Variants in CHL1 observed in about 807,000 individuals in gnomAD.
CHL1 encodes cell adhesion molecule L1 like.
In CHL1, 96 loss-of-function variants were observed where a neutral mutation model predicts 141.9. That is an observed-to-expected ratio of 0.68 (90% CI 0.57 to 0.80). The LOEUF (loss-of-function observed/expected upper bound fraction) is 0.80. Among genes scored for constraint, CHL1 ranks in the 30% least tolerant of loss-of-function variants. The probability of loss-of-function intolerance (pLI) is 0.00; values close to 1 mark genes in which losing one functional copy is unlikely to be tolerated. For missense variants in CHL1, 1,820 were observed against 1,457.2 expected (o/e 1.25, Z -4.05); for synonymous variants, 613 against 502.2 (o/e 1.22, Z -2.95).
chr3:344,485 ACACACT>A (rs1198779367), intron 8 of CHL1, 98 bp from the exon 9 acceptor site: 8 of 768,078 alleles, frequency 1.0e-5, no homozygotes, highest in African/African-American at 1.8e-5. Context: ...ACACACACAC[ACACACT>A]CGTGTGTCGG....
chr3:313,437 G>A (rs1699909296), intron 2 of CHL1, among the ~76,000 whole-genome samples: 1 of 151,962 alleles, frequency 6.6e-6, no homozygotes, highest in Non-Finnish European at 1.5e-5. Context: ...TTAAATTCCA[G>A]CATATAAATT....
At position 405,530 on chromosome 3, in the gene CHL1, G is replaced by T. The variant is rs139892128; in HGVS notation, c.3494G>T (p.Arg1165Leu). 1.2e-6 allele frequency: 2 copies of T among 1,612,928 alleles called. No individual in the cohort carries two copies. The highest frequency in any genetic ancestry group is 1.3e-5 in the African/African-American group (1 of 74,938). Residue 1165 changes from arginine to leucine, a missense_variant, in exon 28 of 28, where the codon CGG (arginine) becomes CTG (leucine). Transcript: ENST00000256509. ...GAAAAGCCTCTCAAAGGAAGCCTTC[G>T]GTCCCTTAATAGGGATATGCAGCCT... ...SDEKPLKGSLRSLNRDMQPTE... is the reference protein window; with the variant it reads ...SDEKPLKGSLLSLNRDMQPTE...
At chr3:339,054 C>G (rs1702159639) in intron 5 of CHL1, among the ~76,000 whole-genome samples, 1 of 152,128 alleles carries the variant, frequency 6.6e-6, no homozygotes. Context: ...ATGCCCTTTC[C>G]ATTTTCTAAT....
intron 10 of CHL1, among the ~76,000 whole-genome samples, 189 bp from the exon 11 acceptor site, chr3:354,448 CACA>C (rs1703526936): frequency 6.6e-6 from 1 of 152,012 alleles, no homozygotes; most frequent in Non-Finnish European, 1.5e-5. Context: ...CACACACACA[CACA>C]CACACACACC....
At chr3:393,990 C>G (rs2125458447) in intron 23 of CHL1, among the ~76,000 whole-genome samples, 1 of 152,244 alleles carries the variant, frequency 6.6e-6, no homozygotes, top group South Asian at 2.1e-4. Context: ...GCTGCACTAT[C>G]TTGGGTGTAT....
intron 1 of CHL1, among the ~76,000 whole-genome samples, chr3:222,128 T>C (rs1700899108): frequency 6.6e-6 from 1 of 152,234 alleles, no homozygotes. Flanking sequence ...AGTTTCCCAT[T>C]ATGGTAATAA....
intron 5 of CHL1, among the ~76,000 whole-genome samples, chr3:329,209 A>T (rs1043821545): frequency 3.9e-5 from 6 of 152,070 alleles, no homozygotes; most frequent in Non-Finnish European, 8.8e-5. Context: ...CAAAGCCTTT[A>T]TAGAGTAAAT....
intron 2 of CHL1, among the ~76,000 whole-genome samples, chr3:291,512 TC>T (rs1459730997): frequency 1.3e-5 from 2 of 151,726 alleles, no homozygotes; most frequent in Admixed American, 6.6e-5. Context: ...AGAAGCCTGA[TC>T]ACTCTGGCCT....
chr3:257,673 C>G (rs548160385), intron 2 of CHL1, among the ~76,000 whole-genome samples: 2 of 152,038 alleles, frequency 1.3e-5, no homozygotes, highest in African/African-American at 4.8e-5. Context: ...AAAGAGACAG[C>G]AAACCTCAAA....
intron 1 of CHL1, among the ~76,000 whole-genome samples, chr3:225,551 T>C (rs1701240137): frequency 6.6e-6 from 1 of 152,200 alleles, no homozygotes; most frequent in Non-Finnish European, 1.5e-5. Flanking sequence ...TATTTCTTTA[T>C]GAGACAACTC....
intron 2 of CHL1, among the ~76,000 whole-genome samples, chr3:249,087 A>G (rs1463862828): frequency 1.3e-5 from 2 of 152,186 alleles, no homozygotes; most frequent in Non-Finnish European, 2.9e-5. Flanking sequence ...CATCTCTTCT[A>G]AACAGTGGAT....
chr3:202,504 C>T (rs1699046109), intron 1 of CHL1, among the ~76,000 whole-genome samples: 1 of 152,174 alleles, frequency 6.6e-6, no homozygotes, highest in African/African-American at 2.4e-5. Flanking sequence ...CTGGAGAGTT[C>T]TGTAAAGCTA....
chr3:250,220 C>T (rs887227294), intron 2 of CHL1, among the ~76,000 whole-genome samples: 1 of 152,018 alleles, frequency 6.6e-6, no homozygotes. Context: ...CTGCCTCAGC[C>T]TCCCAAATTG....
chr3:274,352 A>G (rs1185254725), intron 2 of CHL1, among the ~76,000 whole-genome samples: 1 of 152,226 alleles, frequency 6.6e-6, no homozygotes, highest in African/African-American at 2.4e-5. Flanking sequence ...TCCAGGTAAT[A>G]TTCAGAAATC....
chr3:355,679 G>C (rs1259836649), intron 11 of CHL1, among the ~76,000 whole-genome samples: 2 of 152,190 alleles, frequency 1.3e-5, no homozygotes, highest in East Asian at 3.8e-4. Context: ...CACCTTGCCA[G>C]CTGTTTCATC....
chr3:344,605 A>G lies in CHL1; in HGVS notation c.744A>G (p.Gln248=). The change falls in exon 9 of 28, where the codon CAA becomes CAG. Residue 248 remains glutamine (Q), a synonymous_variant. Coordinates refer to ENST00000256509, the MANE Select transcript of CHL1 (RefSeq NM_006614.4). Reference sequence around the variant, plus strand: ...ATTTTGTAGCAAATTCCATCAAGCAAAGAAAACCCAAACTGCTGTTGCCTC... The same window carrying G: ...ATTTTGTAGCAAATTCCATCAAGCAGAGAAAACCCAAACTGCTGTTGCCTC... ...EIGSKANSIK[Q]RKPKLLLPPT... The G allele has an allele frequency of 3.1e-6, 5 of 1,611,282 alleles. No homozygotes were observed. Among genetic ancestry groups the G allele is most frequent in the Non-Finnish European group, 4.2e-6 (5 of 1,178,890 alleles).
intron 1 of CHL1, among the ~76,000 whole-genome samples, chr3:233,872 A>G (rs1176207761): frequency 2.0e-5 from 3 of 152,162 alleles, no homozygotes; most frequent in Non-Finnish European, 4.4e-5. Context: ...CACTCAGTAA[A>G]GATTTTTCCA....
chr3:375,210 T>G (rs1706164067), intron 15 of CHL1, among the ~76,000 whole-genome samples: 1 of 152,044 alleles, frequency 6.6e-6, no homozygotes, highest in Non-Finnish European at 1.5e-5. Flanking sequence ...AAAAATGAAA[T>G]GGAGCATGGC....
chr3:325,839 C>A, intron 3 of CHL1, 120 bp from the exon 4 acceptor site: 1 of 569,124 alleles, frequency 1.8e-6, no homozygotes, highest in Non-Finnish European at 3.1e-6. Context: ...TTCTGATTTT[C>A]ACTTTTGTAT....
Sources: allele counts gnomAD v4.1 joint callset (sites outside exome capture counted in the v4.1 genomes callset), GRCh38; gene constraint gnomAD v4.1.1; transcripts MANE v1.5; gene names NCBI Gene and HGNC (gene_info 2026-07-23, HGNC 2026-07-21).